The following GALNT14 variants were observed in gnomAD, a reference collection of about 807,000 sequenced individuals.
GALNT14 encodes UDP-GalNAc:polypeptide N-acetylgalactosaminyltransferase 14.
GALNT14 carries 60 observed loss-of-function variants against 77.5 expected under a neutral mutation model. The observed-to-expected ratio is 0.77, with a 90% CI of 0.63 to 0.96. The LOEUF is 0.96. Among genes scored for constraint, GALNT14 ranks in the 40% least tolerant of loss-of-function variants. GALNT14 has a pLI of 0.00. For missense variants in GALNT14, 710 were observed against 731.0 expected (o/e 0.97, Z 0.33); for synonymous variants, 280 against 281.7 (o/e 0.99, Z 0.06).
At chr2:31,008,665 T>G (rs115105308) in intron 1 of GALNT14, among the ~76,000 whole-genome samples, 11,364 of 152,246 alleles carry the variant, frequency 0.075, 657 homozygotes, top group East Asian at 0.27. Flanking sequence ...GCAGCCAGCA[T>G]GAGTGGTGGG....
chr2:30,963,463 G>A (rs1339709027), intron 3 of GALNT14, among the ~76,000 whole-genome samples: 2 of 152,208 alleles, frequency 1.3e-5, no homozygotes, highest in African/African-American at 4.8e-5. Context: ...ACCACATAGA[G>A]GTGGAGGAGC....
chr2:30,989,835 A>G (rs1005428087), intron 2 of GALNT14, among the ~76,000 whole-genome samples: 2 of 151,298 alleles, frequency 1.3e-5, no homozygotes, highest in Non-Finnish European at 2.9e-5. Context: ...GGCAACTTTA[A>G]GTTTACTCCT....
At chr2:30,949,197 G>A (rs1263655498) in intron 6 of GALNT14, among the ~76,000 whole-genome samples, 2 of 152,204 alleles carry the variant, frequency 1.3e-5, no homozygotes, top group South Asian at 2.1e-4. Context: ...TACCTGCTCC[G>A]CTTTTGTATT....
At chr2:30,921,025 C>T (rs1664999306) in intron 13 of GALNT14, among the ~76,000 whole-genome samples, 1 of 152,190 alleles carries the variant, frequency 6.6e-6, no homozygotes, top group Non-Finnish European at 1.5e-5. Context: ...ACAGGCCATG[C>T]CCAGGATGAG....
rs371569061 is a variant in GALNT14, at chr2:31,017,953, G to A, written c.130-24946C>T. Among the ~76,000 whole-genome samples the A allele has an allele frequency of 9.8e-4, 149 of 152,334 alleles. 2 individuals carry two copies. The South Asian group carries it at 0.018, about 19-fold the overall frequency. ...AGTAATAAGGGCACCTGTAGTTATG[G>A]TGACAAGGGTAAAATTGCCCTCGCC... On this transcript the variant is annotated intron_variant, in intron 1 of 14. Transcript: ENST00000349752.
At chr2:31,098,887 C>T (rs1677125099) in intron 1 of GALNT14, among the ~76,000 whole-genome samples, 1 of 152,060 alleles carries the variant, frequency 6.6e-6, no homozygotes, top group African/African-American at 2.4e-5. Flanking sequence ...ATTTACTATT[C>T]AGTAAGCGGA....
intron 2 of GALNT14, among the ~76,000 whole-genome samples, chr2:30,979,631 A>C (rs1471726837): frequency 1.3e-5 from 2 of 152,186 alleles, no homozygotes; most frequent in Non-Finnish European, 2.9e-5. Flanking sequence ...GACAGCAAAG[A>C]TAAGCTCAAG....
At chr2:30,920,435 G>A (rs1198714437) in intron 13 of GALNT14, among the ~76,000 whole-genome samples, 2 of 152,172 alleles carry the variant, frequency 1.3e-5, no homozygotes, top group East Asian at 1.9e-4. Flanking sequence ...CAGGCCAAGA[G>A]GCAGGACAAG....
rs779712115 is a variant in GALNT14, at chr2:30,945,808, G to A, written c.717C>T (p.Ile239=). 4.3e-6 allele frequency: 7 copies of A among 1,614,124 alleles called. No homozygotes were observed. The highest frequency in any genetic ancestry group is 1.7e-5 in the Admixed American group (1 of 60,020). The change falls in exon 7 of 15, where the codon ATC becomes ATT. Residue 239 remains isoleucine (I), a synonymous_variant. Transcript: ENST00000349752. ...CCCCTCTGAGCTCCGAGGCAGACTC[G>A]ATGTAGGTGAAGGTGTCCAGGTTAA... ...DIINLDTFTY[I]ESASELRGGF...
intron 3 of GALNT14, among the ~76,000 whole-genome samples, chr2:30,959,516 G>A (rs1037553815): frequency 5.9e-5 from 9 of 151,932 alleles, no homozygotes; most frequent in Non-Finnish European, 1.2e-4. Flanking sequence ...GTGTAATCTC[G>A]GGCAAGTTAC....
chr2:31,084,429 T>C (rs1676310426), intron 1 of GALNT14, among the ~76,000 whole-genome samples: 1 of 152,188 alleles, frequency 6.6e-6, no homozygotes, highest in African/African-American at 2.4e-5. Flanking sequence ...AGGAAGAGCC[T>C]TCTTTGGACC....
the GALNT14 span, among the ~76,000 whole-genome samples, chr2:30,904,006 A>G: frequency 2.1e-3 from 322 of 152,362 alleles, 1 homozygote; most frequent in African/African-American, 6.5e-3. Context: ...CACAGGCCAT[A>G]AAGCCCTAGC....
intron 2 of GALNT14, among the ~76,000 whole-genome samples, chr2:30,988,430 T>C (rs748239968): frequency 3.3e-5 from 5 of 151,954 alleles, no homozygotes; most frequent in Non-Finnish European, 7.4e-5. Flanking sequence ...GTGATGCCAA[T>C]TGCTAGGAGG....
intron 1 of GALNT14, among the ~76,000 whole-genome samples, chr2:31,120,278 TA>T (rs1468395447): frequency 1.3e-5 from 2 of 152,182 alleles, no homozygotes; most frequent in Non-Finnish European, 2.9e-5. Context: ...CTCTCCTTTT[TA>T]ATAACAACCA....
intron 1 of GALNT14, chr2:31,114,893 G>T: frequency 1.4e-6 from 1 of 699,350 alleles, no homozygotes; most frequent in Admixed American, 2.2e-5. Flanking sequence ...AACTAACAAA[G>T]AAAAAGTATT....
In GALNT14 at chr2:30,912,661, A is replaced by G. The variant is rs193150428; in HGVS notation, c.1381-319T>C. On this transcript the variant is annotated intron_variant, in intron 13 of 14. Transcript: ENST00000349752. ...ACCCCAGCTGAGCTGTGTGCTCCAC[A>G]GTTTTTGTTTGGAGAAAACATCTCG... Among the ~76,000 whole-genome samples the G allele has an allele frequency of 3.4e-3, 516 of 152,324 alleles. 3 individuals are homozygous for G. Among genetic ancestry groups the G allele is most frequent in the African/African-American group, 0.012 (503 of 41,566 alleles).
chr2:31,038,082 ATATTTTT>A (rs1672863098), intron 1 of GALNT14, among the ~76,000 whole-genome samples: 1 of 70,160 alleles, frequency 1.4e-5, no homozygotes, highest in African/African-American at 6.3e-5. Context: ...ATATATATAT[ATATTTTT>A]TTTTTTTTTT....
chr2:30,979,418 A>C (rs1447308821), intron 2 of GALNT14, among the ~76,000 whole-genome samples: 1 of 152,096 alleles, frequency 6.6e-6, no homozygotes, highest in African/African-American at 2.4e-5. Flanking sequence ...GCAGGGCAGG[A>C]AGGTGTGGGA....
intron 13 of GALNT14, among the ~76,000 whole-genome samples, chr2:30,916,211 C>A (rs1245879751): frequency 6.6e-6 from 1 of 152,200 alleles, no homozygotes; most frequent in Non-Finnish European, 1.5e-5. Flanking sequence ...TAGATGAATG[C>A]ACACTCACAC....
Sources: allele counts gnomAD v4.1 joint callset (sites outside exome capture counted in the v4.1 genomes callset), GRCh38; gene constraint gnomAD v4.1.1; transcripts MANE v1.5; gene names NCBI Gene and HGNC (gene_info 2026-07-23, HGNC 2026-07-21).